Variants in PLCZ1 observed in about 807,000 individuals in gnomAD.
PLCZ1 encodes the protein phospholipase C zeta 1, also known as 1-phosphatidylinositol 4,5-bisphosphate phosphodiesterase zeta-1.
Under a neutral mutation model 76.8 loss-of-function variants are expected in PLCZ1, and 64 were observed. The observed-to-expected ratio is 0.83, with a 90% confidence interval of 0.68 to 1.03. The LOEUF (loss-of-function observed/expected upper bound fraction) is 1.03, where lower values mean the gene tolerates loss of function less well. Ranked by LOEUF, PLCZ1 falls within the 50% of genes least tolerant of loss-of-function variation. The probability of loss-of-function intolerance (pLI) is 0.00; values close to 1 mark genes in which losing one functional copy is unlikely to be tolerated. For missense variants in PLCZ1, 751 were observed against 713.7 expected (o/e 1.05, Z -0.60); for synonymous variants, 248 against 230.8 (o/e 1.07, Z -0.68).
At chr12:18,695,158 A>G (rs1954778267) in intron 11 of PLCZ1, 79 bp from the exon 12 acceptor site, 1 of 1,363,254 alleles carries the variant, frequency 7.3e-7, no homozygotes, top group South Asian at 1.2e-5. Context: ...ACTGAAATCT[A>G]ATAATGGATT....
chr12:18,703,407 T>C (rs1176715788), intron 7 of PLCZ1, among the ~76,000 whole-genome samples: 1 of 152,242 alleles, frequency 6.6e-6, no homozygotes, highest in Non-Finnish European at 1.5e-5. Context: ...AAATTTATTA[T>C]GTCAGGGAGA....
At chr12:18,716,798 G>A (rs148702855) in intron 5 of PLCZ1, among the ~76,000 whole-genome samples, 42 of 152,222 alleles carry the variant, frequency 2.8e-4, no homozygotes, top group African/African-American at 9.1e-4. Context: ...TATTTAGATT[G>A]TGTAATGTTA....
At chr12:18,734,432 C>A (rs1319330154) in intron 3 of PLCZ1, among the ~76,000 whole-genome samples, 2 of 152,116 alleles carry the variant, frequency 1.3e-5, no homozygotes, top group African/African-American at 2.4e-5. Flanking sequence ...CTCACTGCAA[C>A]CTCTGCCTCC....
At position 18,699,871 on chromosome 12, in the gene PLCZ1, T is replaced by C. The variant is rs1955651186; in HGVS notation, c.1097A>G (p.His366Arg). The C allele has an allele frequency of 6.2e-7, 1 of 1,612,996 alleles. No homozygotes were observed. Among genetic ancestry groups the C allele is most frequent in the Non-Finnish European group, 8.5e-7 (1 of 1,179,502 alleles). Residue 366 changes from histidine to arginine, a missense_variant, in exon 10 of 15, where the codon CAT becomes CGT. Physicochemically the swap from His to Arg is conservative, Grantham distance 29. Transcript: ENST00000266505. Reference sequence around the variant, plus strand: ...ATTAAATTGCTGATATAATCTTGAATGTTGAAAGCTTTTGAATTTCTCAGC... The same window carrying C: ...ATTAAATTGCTGATATAATCTTGAACGTTGAAAGCTTTTGAATTTCTCAGC... ...TKAEKFKSFQ[H>R]SRLYQQFNEN...
rs1403496002 is a variant in PLCZ1 at position 18,694,495 on chromosome 12, G to C, written c.1461+415C>G. ...GGGGGAAGAATCCTGACCTACAAAAGCCTAATTGTGGAGACTGAGGAAAAG... is the reference window on the plus strand; with the variant it reads ...GGGGGAAGAATCCTGACCTACAAAACCCTAATTGTGGAGACTGAGGAAAAG... On this transcript the variant is annotated intron_variant, in intron 12 of 14. Coordinates refer to ENST00000266505, the MANE Select transcript of PLCZ1 (RefSeq NM_033123.4). Among the ~76,000 whole-genome samples, 31 of 152,062 alleles carry C rather than the reference G, an allele frequency of 2.0e-4. 1 individual carries two copies. Among genetic ancestry groups the C allele is most frequent in the Admixed American group, 2.0e-3 (31 of 15,250 alleles).
At chr12:18,672,059 G>A in the PLCZ1 span, among the ~76,000 whole-genome samples, 1 of 152,094 alleles carries the variant, frequency 6.6e-6, no homozygotes, top group African/African-American at 2.4e-5. Context: ...TTGAGGATTC[G>A]ATTTCAGCAT....
intron 3 of PLCZ1, among the ~76,000 whole-genome samples, chr12:18,727,734 A>C (rs1310649458): frequency 6.6e-6 from 1 of 152,174 alleles, no homozygotes; most frequent in Non-Finnish European, 1.5e-5. Flanking sequence ...GAAATCCCAT[A>C]GATTTTCGTT....
downstream of PLCZ1, among the ~76,000 whole-genome samples, chr12:18,678,725 T>C (rs1433987030): frequency 6.6e-6 from 1 of 152,068 alleles, no homozygotes; most frequent in African/African-American, 2.4e-5. Flanking sequence ...TATAACATCA[T>C]TTGTTGTCTA....
intron 9 of PLCZ1, among the ~76,000 whole-genome samples, chr12:18,701,054 G>A (rs1592116066): frequency 6.6e-6 from 1 of 151,040 alleles, no homozygotes; most frequent in Non-Finnish European, 1.5e-5. Context: ...GCTCGATCTC[G>A]GCTCACTGCA....
At chr12:18,647,791 A>AT in the PLCZ1 span, 1,406 of 720,384 alleles carry the variant, frequency 2.0e-3, 16 homozygotes, top group African/African-American at 0.023. Context: ...TTAGCAGCTA[A>AT]TTTTTTTTAT....
intron 6 of PLCZ1, among the ~76,000 whole-genome samples, chr12:18,711,059 A>G (rs1957251600): frequency 6.6e-6 from 1 of 152,142 alleles, no homozygotes; most frequent in South Asian, 2.1e-4. Flanking sequence ...ACTATAAATC[A>G]TGCTGCTATA....
chr12:18,684,459 G>C (rs1335226969), intron 13 of PLCZ1, among the ~76,000 whole-genome samples, 180 bp from the exon 14 acceptor site: 1 of 151,988 alleles, frequency 6.6e-6, no homozygotes, highest in African/African-American at 2.4e-5. Context: ...AATAATGAGT[G>C]TTTACTATTG....
intron 10 of PLCZ1, among the ~76,000 whole-genome samples, chr12:18,697,174 G>A (rs1304699955): frequency 6.6e-6 from 1 of 152,032 alleles, no homozygotes; most frequent in Admixed American, 6.6e-5. Context: ...CATCATGGGA[G>A]AATGGTTACT....
rs752043760 is a variant in PLCZ1, at chr12:18,705,232, A to G, written c.798T>C (p.Ala266=). ...CAGAAAGCAAGGACTCTCCAAAAGT[A>G]GCCTGCAAATTGTCTGCCATTACTT... ...QQEVMADNLQ[A]TFGESLLSDM... The change falls in exon 7 of 15, where the codon GCT becomes GCC. Residue 266 remains alanine (A), a synonymous_variant. Coordinates refer to ENST00000266505, the MANE Select transcript of PLCZ1 (RefSeq NM_033123.4). The G allele has an allele frequency of 1.2e-6, 2 of 1,613,996 alleles. No homozygotes were observed. Among genetic ancestry groups the G allele is most frequent in the Non-Finnish European group, 1.7e-6 (2 of 1,180,010 alleles).
rs1952746040 is a variant in PLCZ1, at chr12:18,684,173, T to A, written c.1698A>T (p.Glu566Asp). ...VEGQGLIAGNEFLGQYTLPLL... is the reference protein window; with the variant it reads ...VEGQGLIAGNDFLGQYTLPLL... Reference sequence around the variant, plus strand: ...GTGGCAAAGTATATTGCCCAAGAAATTCATTTCCTGCTATTAAACCTTGAC... The same window carrying A: ...GTGGCAAAGTATATTGCCCAAGAAAATCATTTCCTGCTATTAAACCTTGAC... The change falls in exon 14 of 15, where the codon GAA (glutamate) becomes GAT (aspartate). Residue 566 changes from glutamate (E) to aspartate (D), a missense_variant. By Grantham distance (45) the Glu-to-Asp change is conservative. Transcript: ENST00000266505. 6.2e-7 allele frequency: 1 copy of A among 1,612,066 alleles called. No homozygotes were observed. Among genetic ancestry groups the A allele is most frequent in the Admixed American group, 1.7e-5 (1 of 59,802 alleles).
chr12:18,705,118 T>G (rs779032623), intron 7 of PLCZ1, 48 bp downstream of exon 7: 1 of 1,601,500 alleles, frequency 6.2e-7, no homozygotes, highest in South Asian at 1.1e-5. Flanking sequence ...AGTGACATGT[T>G]TTCATGGACT....
the PLCZ1 span, among the ~76,000 whole-genome samples, chr12:18,658,714 G>C: frequency 0.051 from 7,800 of 152,148 alleles, 242 homozygotes; most frequent in African/African-American, 0.091. Flanking sequence ...GATGGCTTGA[G>C]TTATGCATAT....
chr12:18,698,522 A>T (rs922269728), intron 10 of PLCZ1, among the ~76,000 whole-genome samples: 2 of 152,178 alleles, frequency 1.3e-5, no homozygotes, highest in African/African-American at 2.4e-5. Context: ...AAGGTTAATC[A>T]TTAAAGCTTT....
In PLCZ1 at chr12:18,705,312, A is replaced by G; in HGVS notation, c.718T>C (p.Ser240Pro). The G allele has an allele frequency of 6.2e-7, 1 of 1,614,144 alleles. No individual in the cohort carries two copies. The highest frequency in any genetic ancestry group is 8.5e-7 in the Non-Finnish European group (1 of 1,180,002). ...AAAGAGAGCACCACTGGGTAGTCAGATGTCTAAAAAAGTAACCATTACTAT... is the reference window on the plus strand; with the variant it reads ...AAAGAGAGCACCACTGGGTAGTCAGGTGTCTAAAAAAGTAACCATTACTAT... ...QAIHKYAFMTSDYPVVLSLEN... is the reference protein window; with the variant it reads ...QAIHKYAFMTPDYPVVLSLEN... Residue 240 changes from serine to proline, a missense_variant, in exon 7 of 15, where the codon TCT becomes CCT. Ser to Pro is a moderately conservative substitution (Grantham distance 74). Coordinates refer to ENST00000266505, the MANE Select transcript of PLCZ1 (RefSeq NM_033123.4).
Sources: allele counts gnomAD v4.1 joint callset (sites outside exome capture counted in the v4.1 genomes callset), GRCh38; gene constraint gnomAD v4.1.1; transcripts MANE v1.5; gene names NCBI Gene and HGNC (gene_info 2026-07-23, HGNC 2026-07-21).